The following SIPA1L1 variants were observed in gnomAD, a reference collection of about 807,000 sequenced individuals.
The protein encoded by SIPA1L1 is signal induced proliferation associated 1 like 1.
Under a neutral mutation model 162.7 loss-of-function variants are expected in SIPA1L1, and 26 were observed. The ratio of observed to expected loss-of-function variants is 0.16; its 90% CI spans 0.12 to 0.22. The LOEUF (loss-of-function observed/expected upper bound fraction) is 0.22. Among genes scored for constraint, SIPA1L1 ranks in the 10% least tolerant of loss-of-function variants. The pLI is 1.00. For synonymous variants in SIPA1L1, 829 were observed against 837.4 expected (o/e 0.99, Z 0.17); for missense variants, 1,874 against 2,241.0 (o/e 0.84, Z 3.31).
chr14:71,351,545 C>A (rs2036708229), intron 2 of SIPA1L1, among the ~76,000 whole-genome samples: 1 of 152,170 alleles, frequency 6.6e-6, no homozygotes, highest in Non-Finnish European at 1.5e-5. Flanking sequence ...CCTTAGCTTT[C>A]ATTTATAAAA....
intron 17 of SIPA1L1, among the ~76,000 whole-genome samples, chr14:71,712,096 A>G (rs1487982507): frequency 1.3e-5 from 2 of 152,234 alleles, no homozygotes; most frequent in African/African-American, 2.4e-5. Flanking sequence ...TTGTGTCCTC[A>G]GAAGACAGGA....
chr14:71,451,025 G>C (rs972377378), intron 2 of SIPA1L1, among the ~76,000 whole-genome samples: 1 of 151,990 alleles, frequency 6.6e-6, no homozygotes, highest in African/African-American at 2.4e-5. Context: ...CAGATCTGTG[G>C]GTAAAGAAAA....
At chr14:71,671,907 G>C (rs1250691695) in intron 11 of SIPA1L1, among the ~76,000 whole-genome samples, 1 of 85,342 alleles carries the variant, frequency 1.2e-5, no homozygotes, top group Non-Finnish European at 2.2e-5. Context: ...TACTCTGTGT[G>C]TGTGTGTGTG....
intron 14 of SIPA1L1, among the ~76,000 whole-genome samples, chr14:71,700,388 T>C (rs2081993240): frequency 6.6e-6 from 1 of 152,200 alleles, no homozygotes; most frequent in South Asian, 2.1e-4. Flanking sequence ...AAAAGCATGA[T>C]TAGAATCCAT....
chr14:71,392,427 A>G (rs1328381138), intron 2 of SIPA1L1, among the ~76,000 whole-genome samples: 1 of 152,098 alleles, frequency 6.6e-6, no homozygotes, highest in African/African-American at 2.4e-5. Flanking sequence ...TGCTGAATAC[A>G]TTCTTATTTT....
At chr14:71,607,260 T>G (rs2148207908) in intron 5 of SIPA1L1, among the ~76,000 whole-genome samples, 1 of 151,556 alleles carries the variant, frequency 6.6e-6, no homozygotes, top group East Asian at 1.9e-4. Flanking sequence ...TTCCAGGGAC[T>G]GCCCTCGGCA....
At chr14:71,326,202 G>A (rs918147177) in intron 2 of SIPA1L1, among the ~76,000 whole-genome samples, 1 of 151,584 alleles carries the variant, frequency 6.6e-6, no homozygotes. Flanking sequence ...GTGGTTCAGC[G>A]ACTTGCTTCT....
chr14:71,342,470 T>C (rs1271472618), intron 2 of SIPA1L1, among the ~76,000 whole-genome samples: 2 of 152,154 alleles, frequency 1.3e-5, no homozygotes, highest in Admixed American at 6.5e-5. Context: ...CCTAGAAATA[T>C]ACAGATTTTT....
intron 5 of SIPA1L1, among the ~76,000 whole-genome samples, chr14:71,604,348 G>A (rs2148118445): frequency 6.6e-6 from 1 of 152,034 alleles, no homozygotes; most frequent in South Asian, 2.1e-4. Flanking sequence ...TCACTATGTT[G>A]CCCAAGCTGG....
intron 2 of SIPA1L1, among the ~76,000 whole-genome samples, chr14:71,491,017 T>C (rs549433059): frequency 6.6e-6 from 1 of 152,326 alleles, no homozygotes; most frequent in Admixed American, 6.5e-5. Flanking sequence ...TAATGCTCTG[T>C]ATATCACTGA....
intron 2 of SIPA1L1, among the ~76,000 whole-genome samples, chr14:71,333,630 A>AT (rs2140312442): frequency 6.6e-6 from 1 of 152,276 alleles, no homozygotes; most frequent in South Asian, 2.1e-4. Context: ...GCTGTCTTTC[A>AT]TTTACTAATC....
At chr14:71,719,827 A>G (rs1229595122) in intron 17 of SIPA1L1, among the ~76,000 whole-genome samples, 2 of 152,156 alleles carry the variant, frequency 1.3e-5, no homozygotes, top group Non-Finnish European at 2.9e-5. Context: ...ATAGCTTCAA[A>G]TTTACCGAAA....
chr14:71,600,501 C>T (rs778620825), intron 5 of SIPA1L1, among the ~76,000 whole-genome samples: 76 of 152,062 alleles, frequency 5.0e-4, no homozygotes, highest in Non-Finnish European at 7.4e-4. Flanking sequence ...ACTGTAGCAT[C>T]GTAATATGTT....
chr14:71,664,122 C>T (rs1450076276), intron 10 of SIPA1L1, among the ~76,000 whole-genome samples: 1 of 151,980 alleles, frequency 6.6e-6, no homozygotes, highest in Admixed American at 6.6e-5. Flanking sequence ...AGGGTAAGGA[C>T]GAGCTTATTT....
intron 19 of SIPA1L1, among the ~76,000 whole-genome samples, chr14:71,725,277 C>G (rs764679794): frequency 6.6e-6 from 1 of 152,224 alleles, no homozygotes; most frequent in Admixed American, 6.5e-5. Context: ...GTCTGGCAAA[C>G]CTACTGGCCA....
In SIPA1L1 at chr14:71,507,859, C is replaced by T. The variant is rs554983848; in HGVS notation, c.-464-4884C>T. Among the ~76,000 whole-genome samples the T allele has an allele frequency of 4.6e-5, 7 of 152,340 alleles. No individual in the cohort carries two copies. The South Asian group carries it at 6.2e-4, about 14-fold the overall frequency. ...CCAGAGGTCTGTGTTTTCAGCTCCT[C>T]TCTTGACTCCATCATTCTGCAGCGG... On this transcript the variant is annotated intron_variant, in intron 2 of 23. Transcript: ENST00000381232.
At chr14:71,321,444 C>G (rs1390432439) in intron 2 of SIPA1L1, 1 of 152,322 alleles carries the variant, frequency 6.6e-6, no homozygotes, top group African/African-American at 2.4e-5. Flanking sequence ...CTGCGGGAGG[C>G]CAGGAGACCC....
At chr14:71,593,014 G>A (rs2035593393) in intron 5 of SIPA1L1, among the ~76,000 whole-genome samples, 1 of 152,002 alleles carries the variant, frequency 6.6e-6, no homozygotes, top group South Asian at 2.1e-4. Flanking sequence ...TTACTTCTTT[G>A]TACTTTATTG....
chr14:71,455,527 G>C (rs946436438), intron 2 of SIPA1L1, among the ~76,000 whole-genome samples: 1 of 151,970 alleles, frequency 6.6e-6, no homozygotes, highest in African/African-American at 2.4e-5. Flanking sequence ...GATTATCTTA[G>C]GTTATGGTCT....
Sources: gnomAD v4.1 joint callset for allele counts (sites outside exome capture counted in the v4.1 genomes callset) on GRCh38, gnomAD v4.1.1 for gene constraint, MANE v1.5 for transcripts, NCBI Gene and HGNC (gene_info 2026-07-23, HGNC 2026-07-21) for gene names.